Variants in TMTC1 observed in about 807,000 individuals in gnomAD.
TMTC1 encodes transmembrane O-mannosyltransferase targeting cadherins 1, also known as protein O-mannosyl-transferase TMTC1.
Under a neutral mutation model 104.8 loss-of-function variants are expected in TMTC1, and 73 were observed. That is an observed-to-expected ratio of 0.70 (90% CI 0.58 to 0.85). TMTC1 has a LOEUF of 0.85. Ranked by LOEUF, TMTC1 falls within the 40% of genes least tolerant of loss-of-function variation. The pLI, the probability that TMTC1 is intolerant of heterozygous loss-of-function variation, is 0.00. For synonymous variants in TMTC1, 434 were observed against 428.7 expected (o/e 1.01, Z -0.15); for missense variants, 1,035 against 1,096.1 (o/e 0.94, Z 0.79).
chr12:29,563,322 G>A (rs1382454702), intron 9 of TMTC1, among the ~76,000 whole-genome samples: 2 of 152,166 alleles, frequency 1.3e-5, no homozygotes, highest in Admixed American at 6.5e-5. Context: ...TGGTTTCTGT[G>A]TGACAGATCA....
chr12:29,544,501 CCT>C (rs1413801921), intron 10 of TMTC1, among the ~76,000 whole-genome samples: 2 of 152,056 alleles, frequency 1.3e-5, no homozygotes, highest in Non-Finnish European at 2.9e-5. Context: ...GTCCTGAGTT[CCT>C]CTCCTTTGTT....
chr12:29,535,018 G>C (rs562014717), intron 11 of TMTC1: 1 of 152,320 alleles, frequency 6.6e-6, no homozygotes, highest in South Asian at 2.1e-4. Flanking sequence ...ATCTGGAAGA[G>C]AAGTGCTGCA....
At chr12:29,564,788 GTTGT>G (rs369167012) in intron 9 of TMTC1, among the ~76,000 whole-genome samples, 127 of 152,246 alleles carry the variant, frequency 8.3e-4, no homozygotes, top group African/African-American at 1.8e-3. Context: ...GACAGGCTCG[GTTGT>G]TTGTTTGTTT....
chr12:29,599,962 A>ATG (rs1946513340), intron 7 of TMTC1, among the ~76,000 whole-genome samples: 1 of 134,060 alleles, frequency 7.5e-6, no homozygotes. Flanking sequence ...ATATGTGTAT[A>ATG]TATATATGTG....
intron 5 of TMTC1, among the ~76,000 whole-genome samples, chr12:29,715,987 G>GTATTATTAT (rs140955615): frequency 9.2e-5 from 12 of 130,162 alleles, no homozygotes; most frequent in East Asian, 4.4e-4. Flanking sequence ...GCCAAACTCA[G>GTATTATTAT]TATTATTATT....
chr12:29,618,461 A>G (rs1027818221), intron 6 of TMTC1, among the ~76,000 whole-genome samples: 1 of 152,220 alleles, frequency 6.6e-6, no homozygotes, highest in Non-Finnish European at 1.5e-5. Flanking sequence ...ATGTAGACAT[A>G]TAAACATTAA....
Position 29,783,799 on chromosome 12 carries a change from A to G in TMTC1, c.-48T>C. 1 of 1,122,486 alleles carries G rather than the reference A, an allele frequency of 8.9e-7. No individual in the cohort carries two copies. The highest frequency in any genetic ancestry group is 1.1e-6 in the Non-Finnish European group (1 of 919,854). 69.5% of individuals were successfully genotyped at this position (1,122,486 alleles called of 1,614,324 possible). A position where few individuals can be genotyped will look rare whatever the true frequency, so the allele number is the denominator to read the frequency against. ...CCCTGGCCTCTCCCGGGCGTCTGGC[A>G]TCCTCCCCTACCGGGGCCCCGGCGG... On this transcript the variant is annotated 5_prime_UTR_variant, in exon 1 of 18. It removes an upstream start codon present in the reference 5' UTR. Coordinates refer to ENST00000539277, the MANE Select transcript of TMTC1 (RefSeq NM_001193451.2). The surrounding 1 kb of genome is among the most constrained non-coding windows in gnomAD (Gnocchi z 4.7).
intron 5 of TMTC1, among the ~76,000 whole-genome samples, chr12:29,673,116 T>C (rs182550516): frequency 2.6e-5 from 4 of 152,324 alleles, no homozygotes; most frequent in East Asian, 1.9e-4. Flanking sequence ...AAGATTTCAG[T>C]TTTATTTCAC....
intron 8 of TMTC1, among the ~76,000 whole-genome samples, chr12:29,575,463 G>A (rs1393215143): frequency 2.0e-5 from 3 of 151,994 alleles, no homozygotes; most frequent in East Asian, 1.9e-4. Context: ...ATACTTCCTC[G>A]TTTTATATGG....
At position 29,643,700 on chromosome 12, in the gene TMTC1, T is replaced by TC. The variant is rs376453734; in HGVS notation, c.939-10365_939-10364insG. Among the ~76,000 whole-genome samples the TC allele has an allele frequency of 3.0e-3, 4 of 1,324 alleles. 1 individual carries two copies. Among genetic ancestry groups the TC allele is most frequent in the African/African-American group, 9.3e-3 (4 of 428 alleles). 0.9% of individuals were successfully genotyped at this position (1,324 alleles called of 152,430 possible). A position where few individuals can be genotyped will look rare whatever the true frequency, so the allele number is the denominator to read the frequency against. On this transcript the variant is annotated intron_variant, in intron 5 of 17. Coordinates refer to ENST00000539277, the MANE Select transcript of TMTC1 (RefSeq NM_001193451.2). ...CTATATATTATATATATTATATATA[T>TC]TATATATTATATATATAATATATAA...
rs548494636 is a variant in TMTC1 at position 29,544,629 on chromosome 12, C to T, written c.1677-8312G>A. On this transcript the variant is annotated intron_variant, in intron 10 of 17. Coordinates refer to ENST00000539277, the MANE Select transcript of TMTC1 (RefSeq NM_001193451.2). ...CTCTGCATCTGCAGGGCTGGTTCTGCGCATGGGGGCGGGCTGGGATAAACT... is the reference window on the plus strand; with the variant it reads ...CTCTGCATCTGCAGGGCTGGTTCTGTGCATGGGGGCGGGCTGGGATAAACT... Among the ~76,000 whole-genome samples, 7 of 152,294 alleles carry T rather than the reference C, an allele frequency of 4.6e-5. No homozygotes were observed. In the South Asian group the frequency reaches 1.0e-3, roughly 23 times the overall value.
At chr12:29,684,198 TA>T (rs979037718) in intron 5 of TMTC1, among the ~76,000 whole-genome samples, 14 of 152,138 alleles carry the variant, frequency 9.2e-5, no homozygotes, top group South Asian at 2.1e-4. Flanking sequence ...AACAGGAGGT[TA>T]AAAAAAATTA....
chr12:29,574,264 A>G (rs1369744341), intron 8 of TMTC1, among the ~76,000 whole-genome samples: 1 of 152,176 alleles, frequency 6.6e-6, no homozygotes, highest in Non-Finnish European at 1.5e-5. Flanking sequence ...ATTGTCTACC[A>G]AAATAAATCA....
chr12:29,712,815 G>A (rs1941965037), intron 5 of TMTC1, among the ~76,000 whole-genome samples: 2 of 152,136 alleles, frequency 1.3e-5, no homozygotes, highest in South Asian at 2.1e-4. Context: ...TTCAACAAGT[G>A]GTAGTTTCTT....
intron 6 of TMTC1, among the ~76,000 whole-genome samples, chr12:29,620,417 G>T (rs1048028362): frequency 1.3e-5 from 2 of 152,206 alleles, no homozygotes; most frequent in Non-Finnish European, 2.9e-5. Context: ...ACACAGAGGG[G>T]ACTGGCTTCC....
chr12:29,769,743 G>A (rs1246864443), intron 1 of TMTC1, among the ~76,000 whole-genome samples: 3 of 152,146 alleles, frequency 2.0e-5, no homozygotes, highest in Non-Finnish European at 2.9e-5. Flanking sequence ...TGACAAGGAT[G>A]AGAGAAAACA....
intron 5 of TMTC1, among the ~76,000 whole-genome samples, chr12:29,717,751 T>C (rs302382): frequency 0.24 from 36,047 of 152,066 alleles, 5,138 homozygotes; most frequent in Admixed American, 0.32. Context: ...TTAGTAATTA[T>C]TAAGGGAATT....
chr12:29,767,567 G>T (rs1943495110), intron 2 of TMTC1, among the ~76,000 whole-genome samples: 1 of 152,034 alleles, frequency 6.6e-6, no homozygotes, highest in African/African-American at 2.4e-5. Flanking sequence ...AACAAACTGT[G>T]GCCATTCATT....
In TMTC1 at chr12:29,505,632, ATAACAC is replaced by A. The variant is rs1453393969; in HGVS notation, c.*1208_*1213del. The A allele has an allele frequency of 6.6e-6, 1 of 152,122 alleles. No individual in the cohort carries two copies. Among genetic ancestry groups the A allele is most frequent in the Non-Finnish European group, 1.5e-5 (1 of 68,016 alleles). 9.4% of individuals were successfully genotyped at this position (152,122 alleles called of 1,614,324 possible). ...AAATATTTTATAAGTTATGAAATAA[ATAACAC>A]TAAAAATAAATGTCAAATTGTGAGT... On this transcript the variant is annotated 3_prime_UTR_variant, in exon 18 of 18. Coordinates refer to ENST00000539277, the MANE Select transcript of TMTC1 (RefSeq NM_001193451.2).
Sources: gnomAD v4.1 joint callset for allele counts (sites outside exome capture counted in the v4.1 genomes callset) on GRCh38, gnomAD v4.1.1 for gene constraint, Gnocchi (gnomAD v3.1) non-coding constraint, MANE v1.5 for transcripts, NCBI Gene and HGNC (gene_info 2026-07-23, HGNC 2026-07-21) for gene names.